SCAF11: variants seen among roughly 807,000 people sequenced by gnomAD.
The protein encoded by SCAF11 is protein SCAF11.
Under a neutral mutation model 140.5 loss-of-function variants are expected in SCAF11, and 47 were observed. The ratio of observed to expected loss-of-function variants is 0.33; its 90% CI spans 0.26 to 0.43. The LOEUF is 0.43. Ranked by LOEUF, SCAF11 falls within the 20% of genes least tolerant of loss-of-function variation. The pLI is 1.00. For synonymous variants in SCAF11, 557 were observed against 579.4 expected (o/e 0.96, Z 0.55); for missense variants, 1,645 against 1,705.1 (o/e 0.96, Z 0.62).
rs1485537069 is a variant in SCAF11 at position 45,927,640 on chromosome 12, C to T, written c.2061G>A (p.Ser687=). ...LEKSLEEKNE[S]LTEHPRSTEL... Reference sequence around the variant, plus strand: ...CTGTAGATCTAGGATGTTCGGTCAGCGATTCATTCTTTTCTTCTAAAGATT... The same window carrying T: ...CTGTAGATCTAGGATGTTCGGTCAGTGATTCATTCTTTTCTTCTAAAGATT... Residue 687 remains serine, a synonymous_variant, in exon 11 of 15, where the codon TCG becomes TCA. Coordinates refer to ENST00000369367, the MANE Select transcript of SCAF11 (RefSeq NM_004719.3). 11 of 1,612,016 alleles carry T rather than the reference C, an allele frequency of 6.8e-6. No homozygotes were observed. The highest frequency in any genetic ancestry group is 4.5e-5 in the East Asian group (2 of 44,862).
At chr12:45,961,500 A>C in intron 3 of SCAF11, 200 bp downstream of exon 3, 1 of 587,092 alleles carries the variant, frequency 1.7e-6, no homozygotes, top group Non-Finnish European at 3.0e-6. Flanking sequence ...TATGCATTTA[A>C]AATATTATTT....
chr12:45,988,016 G>T (rs1303451665), intron 1 of SCAF11, among the ~76,000 whole-genome samples: 1 of 152,202 alleles, frequency 6.6e-6, no homozygotes, highest in Non-Finnish European at 1.5e-5. Flanking sequence ...AATAGCAAGA[G>T]AATGATACTG....
intron 1 of SCAF11, among the ~76,000 whole-genome samples, chr12:45,977,915 T>C (rs1337775978): frequency 6.6e-6 from 1 of 151,952 alleles, no homozygotes; most frequent in African/African-American, 2.4e-5. Flanking sequence ...TAAGGCAGAG[T>C]TGCAGAAACA....
chr12:45,953,328 T>G (rs932538134), intron 3 of SCAF11, among the ~76,000 whole-genome samples: 1 of 152,350 alleles, frequency 6.6e-6, no homozygotes, highest in Admixed American at 6.5e-5. Flanking sequence ...ATACCCTGTA[T>G]GAAATTTCTT....
At chr12:45,977,706 T>G (rs1946266167) in intron 1 of SCAF11, among the ~76,000 whole-genome samples, 1 of 152,114 alleles carries the variant, frequency 6.6e-6, no homozygotes, top group Non-Finnish European at 1.5e-5. Flanking sequence ...TTGTTCCAAT[T>G]CTTATAACTA....
chr12:45,967,342 G>A (rs1302677798), intron 1 of SCAF11, among the ~76,000 whole-genome samples: 1 of 152,122 alleles, frequency 6.6e-6, no homozygotes, highest in African/African-American at 2.4e-5. Flanking sequence ...CACTGCCTTT[G>A]TTAGAAATCT....
At chr12:45,965,274 T>C (rs1945919283) in intron 1 of SCAF11, among the ~76,000 whole-genome samples, 1 of 152,164 alleles carries the variant, frequency 6.6e-6, no homozygotes. Context: ...ATAGCTAAAG[T>C]AACTGGCTGT....
At chr12:45,965,603 T>C (rs867285743) in intron 1 of SCAF11, among the ~76,000 whole-genome samples, 5 of 152,212 alleles carry the variant, frequency 3.3e-5, no homozygotes, top group Middle Eastern at 3.2e-3. Context: ...CATAAGCCAC[T>C]GCACCTGGCC....
At chr12:45,979,686 A>T (rs1946308017) in intron 1 of SCAF11, among the ~76,000 whole-genome samples, 1 of 152,212 alleles carries the variant, frequency 6.6e-6, no homozygotes, top group Admixed American at 6.5e-5. Context: ...TATGCCTATT[A>T]TCTGAATTTC....
intron 3 of SCAF11, among the ~76,000 whole-genome samples, chr12:45,957,843 G>A (rs949580058): frequency 5.3e-5 from 8 of 152,008 alleles, no homozygotes; most frequent in Non-Finnish European, 1.2e-4. Context: ...CTTATTTTAA[G>A]GGCCAAATTT....
intron 1 of SCAF11, among the ~76,000 whole-genome samples, chr12:45,972,881 G>C (rs1291624): frequency 1.6e-4 from 3 of 18,944 alleles, no homozygotes; most frequent in African/African-American, 4.8e-4. Context: ...TATATATATA[G>C]ATATATATAT....
At chr12:45,963,184 T>A (rs968129698) in intron 2 of SCAF11, among the ~76,000 whole-genome samples, 1 of 151,644 alleles carries the variant, frequency 6.6e-6, no homozygotes, top group Admixed American at 6.6e-5. Context: ...CAAAAGAGAA[T>A]AAAGGAAAGG....
At chr12:45,986,092 T>A (rs1041538176) in intron 1 of SCAF11, among the ~76,000 whole-genome samples, 1 of 152,082 alleles carries the variant, frequency 6.6e-6, no homozygotes, top group Non-Finnish European at 1.5e-5. Flanking sequence ...AGGCCTTTTT[T>A]CCCCCAAGTT....
At chr12:45,971,794 A>G (rs1946080297) in intron 1 of SCAF11, among the ~76,000 whole-genome samples, 1 of 152,252 alleles carries the variant, frequency 6.6e-6, no homozygotes, top group Middle Eastern at 3.4e-3. Flanking sequence ...CAGTGGCAGC[A>G]GCAGGAACCT....
rs368205920 is a variant in SCAF11 at position 45,937,800 on chromosome 12, AC to A, written c.464-3296del. Among the ~76,000 whole-genome samples the A allele has an allele frequency of 1.4e-4, 22 of 152,276 alleles. No homozygotes were observed. In the East Asian group the frequency reaches 4.1e-3, roughly 28 times the overall value. The stretch of plus-strand genomic sequence containing the variant: ...AATTTCCCTCTCTGTTGTTTCCTGT[AC>A]CATCATTTATGCTAAAGTTTAAATC... On this transcript the variant is annotated intron_variant, in intron 6 of 14. Coordinates refer to ENST00000369367, the MANE Select transcript of SCAF11 (RefSeq NM_004719.3).
chr12:45,984,439 T>C (rs1946417539), intron 1 of SCAF11, among the ~76,000 whole-genome samples: 1 of 152,222 alleles, frequency 6.6e-6, no homozygotes, highest in African/African-American at 2.4e-5. Flanking sequence ...GCATACAATT[T>C]CTGTTTGTCT....
intron 1 of SCAF11, chr12:45,974,983 T>C (rs1946201295): frequency 1.3e-5 from 2 of 152,370 alleles, no homozygotes; most frequent in East Asian, 1.9e-4. Flanking sequence ...TTAGCAGGCA[T>C]GGCAACATTT....
rs1447249578 is a variant in SCAF11 at position 45,927,915 on chromosome 12, T to C, written c.1786A>G (p.Lys596Glu). The change falls in exon 11 of 15, where the codon AAA becomes GAA. Residue 596 changes from lysine (K) to glutamate (E), a missense_variant. Lys to Glu is a moderately conservative substitution (Grantham distance 56, BLOSUM62 1). This residue lies in a region of SCAF11 where 1,582 missense variants were observed against 1,609.2 expected (regional missense o/e 0.98). Transcript: ENST00000369367. ...ESSLVEITEHKDFTLKTEELI... is the reference protein window; with the variant it reads ...ESSLVEITEHEDFTLKTEELI... ...TCCTCTGTTTTTAGTGTAAAATCTT[T>C]ATGTTCAGTAATTTCTACTAGGGAA... 3 of 1,612,512 alleles carry C rather than the reference T, an allele frequency of 1.9e-6. No individual in the cohort carries two copies. Among genetic ancestry groups the C allele is most frequent in the Non-Finnish European group, 2.5e-6 (3 of 1,179,666 alleles).
chr12:45,982,294 C>T (rs564152146), intron 1 of SCAF11, among the ~76,000 whole-genome samples: 1 of 152,224 alleles, frequency 6.6e-6, no homozygotes, highest in South Asian at 2.1e-4. Context: ...TGAGTGATAG[C>T]TTATAAATTT....
Sources: gnomAD v4.1 joint callset for allele counts (sites outside exome capture counted in the v4.1 genomes callset) on GRCh38, gnomAD v4.1.1 for gene constraint, gnomAD v4.1.1 regional missense constraint, MANE v1.5 for transcripts, NCBI Gene and HGNC (gene_info 2026-07-23, HGNC 2026-07-21) for gene names.